Variants in VPS13B observed in about 807,000 individuals in gnomAD.
VPS13B encodes intermembrane lipid transfer protein VPS13B.
In VPS13B, 285 loss-of-function variants were observed where a neutral mutation model predicts 426.4. That is an observed-to-expected ratio of 0.67 (90% CI 0.61 to 0.74). The LOEUF is 0.74. Ranked by LOEUF, VPS13B falls within the 30% of genes least tolerant of loss-of-function variation. The pLI is 0.00. For synonymous variants in VPS13B, 1,676 were observed against 1,676.4 expected (o/e 1.00, Z 0.01); for missense variants, 4,537 against 4,782.6 (o/e 0.95, Z 1.51).
rs145950999 is a variant in VPS13B, at chr8:99,854,144, C to T, written c.10755C>T (p.Asp3585=). 9.0e-5 allele frequency: 145 copies of T among 1,613,788 alleles called. No individual in the cohort carries two copies. Among genetic ancestry groups the T allele is most frequent in the Non-Finnish European group, 1.1e-4 (132 of 1,179,994 alleles). The part of the protein sequence containing the change: ...HASLKLYIAS[D]HTPLSFSVFE... ...CCCTCAAGCTGTACATAGCCTCAGA[C>T]CACACTCCTCTCTCCTTCTCGGTGT... Residue 3585 remains aspartate (D), a synonymous_variant, in exon 56 of 62, where the codon GAC becomes GAT. Coordinates refer to ENST00000357162, the MANE Select transcript of VPS13B (RefSeq NM_152564.5).
intron 3 of VPS13B, among the ~76,000 whole-genome samples, chr8:99,083,380 T>C (rs1158736873): frequency 6.6e-6 from 1 of 152,210 alleles, no homozygotes; most frequent in Admixed American, 6.5e-5. Flanking sequence ...GTTTTCTAGA[T>C]ATACAATCAT....
chr8:99,621,851 G>A (rs1206741702), intron 33 of VPS13B, among the ~76,000 whole-genome samples: 2 of 108,356 alleles, frequency 1.8e-5, no homozygotes, highest in Non-Finnish European at 3.4e-5. Flanking sequence ...TTTTGAGACA[G>A]AGTCTCGCTC....
intron 36 of VPS13B, among the ~76,000 whole-genome samples, chr8:99,713,726 T>C (rs1832797335): frequency 6.6e-6 from 1 of 152,222 alleles, no homozygotes. Flanking sequence ...CTAGATACCA[T>C]TCTTCAACAA....
At chr8:99,427,397 G>C (rs1478738332) in intron 21 of VPS13B, among the ~76,000 whole-genome samples, 1 of 146,186 alleles carries the variant, frequency 6.8e-6, no homozygotes, top group Non-Finnish European at 1.5e-5. Context: ...GGCAATGCGG[G>C]CTCTTTTTTG....
intron 30 of VPS13B, among the ~76,000 whole-genome samples, chr8:99,522,402 C>A (rs539428796): frequency 6.6e-6 from 1 of 152,026 alleles, no homozygotes; most frequent in South Asian, 2.1e-4. Context: ...GTACCCTTTC[C>A]GCTTTCTGGC....
At chr8:99,360,102 T>TA (rs1812416876) in intron 19 of VPS13B, among the ~76,000 whole-genome samples, 1 of 67,306 alleles carries the variant, frequency 1.5e-5, no homozygotes, top group Admixed American at 1.1e-4. Context: ...GTGCCCAACC[T>TA]GTTTTTTTTT....
At chr8:99,194,633 C>T (rs1300908904) in intron 17 of VPS13B, among the ~76,000 whole-genome samples, 4 of 152,112 alleles carry the variant, frequency 2.6e-5, no homozygotes, top group Non-Finnish European at 4.4e-5. Context: ...TAATCTATTG[C>T]GGATATATGC....
intron 4 of VPS13B, among the ~76,000 whole-genome samples, chr8:99,099,190 A>T (rs568164101): frequency 1.2e-3 from 177 of 152,306 alleles, no homozygotes; most frequent in African/African-American, 4.2e-3. Context: ...CATTGACAGT[A>T]AAGATTTTTT....
At chr8:99,262,233 A>G (rs1398363769) in intron 17 of VPS13B, among the ~76,000 whole-genome samples, 1 of 152,178 alleles carries the variant, frequency 6.6e-6, no homozygotes, top group East Asian at 1.9e-4. Context: ...TTCAGTGGTT[A>G]TATTTTATGT....
At chr8:99,028,314 C>G (rs942907284) in intron 2 of VPS13B, among the ~76,000 whole-genome samples, 3 of 151,102 alleles carry the variant, frequency 2.0e-5, no homozygotes, top group African/African-American at 7.3e-5. Flanking sequence ...CCTCACCTCC[C>G]GGACGGGGCG....
chr8:99,098,767 T>TA (rs1332640834), intron 4 of VPS13B, among the ~76,000 whole-genome samples: 1 of 152,106 alleles, frequency 6.6e-6, no homozygotes, highest in Non-Finnish European at 1.5e-5. Context: ...TTTTTATTAT[T>TA]AAAAAAATCT....
chr8:99,371,609 G>A (rs1425524821), intron 19 of VPS13B, among the ~76,000 whole-genome samples: 1 of 152,224 alleles, frequency 6.6e-6, no homozygotes, highest in Non-Finnish European at 1.5e-5. Context: ...ATTCTGCAAA[G>A]AAAGTCAGTG....
intron 3 of VPS13B, among the ~76,000 whole-genome samples, chr8:99,080,870 ACCATCT>A (rs1845412888): frequency 6.6e-6 from 1 of 151,984 alleles, no homozygotes. Flanking sequence ...TCTCTATTTC[ACCATCT>A]TCTTCTTGTC....
chr8:99,790,681 T>C (rs1317506884), intron 43 of VPS13B, among the ~76,000 whole-genome samples: 1 of 152,126 alleles, frequency 6.6e-6, no homozygotes, highest in Non-Finnish European at 1.5e-5. Flanking sequence ...TGTTTCCAAA[T>C]CCAACATGAG....
intron 17 of VPS13B, among the ~76,000 whole-genome samples, chr8:99,213,789 A>G (rs1815237390): frequency 6.7e-6 from 1 of 148,558 alleles, no homozygotes. Context: ...CTAAGCTTTC[A>G]TCTTGAACTG....
At position 99,085,167 on chromosome 8, in the gene VPS13B, T is replaced by A. The variant is rs141535258; in HGVS notation, c.292-11145T>A. Among the ~76,000 whole-genome samples the A allele has an allele frequency of 6.3e-3, 959 of 152,318 alleles. 9 individuals are homozygous for A. The highest frequency in any genetic ancestry group is 0.022 in the African/African-American group (898 of 41,566). ...TTGGGTGCATATATATTTAGGATAG[T>A]TAGCTCTTGTCGTTGAATTGATCCC... On this transcript the variant is annotated intron_variant, in intron 3 of 61. Transcript: ENST00000357162.
intron 2 of VPS13B, among the ~76,000 whole-genome samples, chr8:99,014,525 C>G (rs1040161797): frequency 2.6e-5 from 4 of 151,870 alleles, no homozygotes; most frequent in Non-Finnish European, 5.9e-5. Context: ...CAGAATTGTT[C>G]GGTCTACTTA....
intron 19 of VPS13B, among the ~76,000 whole-genome samples, chr8:99,321,495 G>A (rs1184494533): frequency 6.6e-6 from 1 of 152,096 alleles, no homozygotes; most frequent in South Asian, 2.1e-4. Flanking sequence ...GGCATGAGCC[G>A]TCGTGCCTGG....
At chr8:99,297,889 C>G (rs1436217771) in intron 19 of VPS13B, among the ~76,000 whole-genome samples, 1 of 152,066 alleles carries the variant, frequency 6.6e-6, no homozygotes, top group African/African-American at 2.4e-5. Flanking sequence ...TGTTGGCTGT[C>G]TTGAAATTAA....
Sources: gnomAD v4.1 joint callset for allele counts (sites outside exome capture counted in the v4.1 genomes callset) on GRCh38, gnomAD v4.1.1 for gene constraint, MANE v1.5 for transcripts, NCBI Gene and HGNC (gene_info 2026-07-23, HGNC 2026-07-21) for gene names.